The following CCT4 variants were observed in gnomAD, a reference collection of about 807,000 sequenced individuals.
The protein encoded by CCT4 is chaperonin containing TCP1 subunit 4, also known as T-complex protein 1 subunit delta.
A neutral mutation model predicts 62.5 loss-of-function variants in CCT4; 17 were observed. The observed-to-expected ratio is 0.27, with a 90% CI of 0.19 to 0.41. The LOEUF (loss-of-function observed/expected upper bound fraction) is 0.41, where lower values mean the gene tolerates loss of function less well. CCT4 is among the 10% of genes least tolerant of loss of function. The probability of loss-of-function intolerance (pLI) is 1.00; values close to 1 mark genes in which losing one functional copy is unlikely to be tolerated. For missense variants in CCT4, 592 were observed against 659.2 expected (o/e 0.90, Z 1.12); for synonymous variants, 250 against 229.9 (o/e 1.09, Z -0.79).
rs76589361 is a variant in CCT4 at position 61,879,021 on chromosome 2, G to T, written c.380-10C>A. On this transcript the variant is annotated splice_polypyrimidine_tract_variant and intron_variant, in intron 4 of 13. Transcript: ENST00000394440. ...ATGGTTGGATGAATCCCTGTAATTT[G>T]TGAAAGTCTAGTTATTTAATTGTAA... 2.4e-5 allele frequency: 38 copies of T among 1,582,636 alleles called. No individual in the cohort carries two copies. The highest frequency in any genetic ancestry group is 3.2e-5 in the Non-Finnish European group (37 of 1,166,436).
chr2:61,871,993 T>G, intron 12 of CCT4, 89 bp downstream of exon 12: 2 of 876,994 alleles, frequency 2.3e-6, no homozygotes, highest in Non-Finnish European at 3.5e-6. Flanking sequence ...ATGCTTTTCA[T>G]TACAGAGCTT....
At chr2:61,869,173 C>G (rs1445574551) in intron 13 of CCT4, among the ~76,000 whole-genome samples, 1 of 116,558 alleles carries the variant, frequency 8.6e-6, no homozygotes, top group Admixed American at 8.5e-5. Flanking sequence ...AAAGTAAAAA[C>G]TTTTAAAAAA....
At position 61,877,447 on chromosome 2, in the gene CCT4, G is replaced by T. The variant is rs753677378; in HGVS notation, c.590C>A (p.Pro197Gln). 1.2e-6 allele frequency: 2 copies of T among 1,611,014 alleles called. No homozygotes were observed. Among genetic ancestry groups the T allele is most frequent in the South Asian group, 2.2e-5 (2 of 90,848 alleles). ...AAGATCTACACTGGTGGCTGTGGCT[G>T]GGTCAATCACTTTCATCACTGCATT... ...SVNAVMKVIDPATATSVDLRD... is the reference protein window; with the variant it reads ...SVNAVMKVIDQATATSVDLRD... The change falls in exon 6 of 14, where the codon CCA (proline) becomes CAA (glutamine). Residue 197 changes from proline to glutamine, a missense_variant. Around this residue, in one of 3 missense-constraint regions of CCT4, gnomAD observed 522 missense variants for 571.2 expected, o/e 0.91. Transcript: ENST00000394440.
chr2:61,879,723 T>C (rs1669073405), intron 4 of CCT4, among the ~76,000 whole-genome samples: 2 of 151,874 alleles, frequency 1.3e-5, no homozygotes, highest in Non-Finnish European at 2.9e-5. Context: ...AGTCCAAGAT[T>C]AGTAATATTT....
chr2:61,888,550 G>A lies in CCT4; in HGVS notation c.-43C>T, dbSNP rs761086432. The A allele has an allele frequency of 1.9e-6, 3 of 1,594,228 alleles. No homozygotes were observed. The highest frequency in any genetic ancestry group is 1.1e-5 in the South Asian group (1 of 89,946). On this transcript the variant is annotated 5_prime_UTR_variant, in exon 1 of 14. Coordinates refer to ENST00000394440, the MANE Select transcript of CCT4 (RefSeq NM_006430.4). Reference sequence around the variant, plus strand: ...CTGGGTTGGCTCGGGAAGGACGGATGGACCCGGATTCTGGCCGGCCGCAGT... The same window carrying A: ...CTGGGTTGGCTCGGGAAGGACGGATAGACCCGGATTCTGGCCGGCCGCAGT...
chr2:61,880,879 T>A (rs78454153), intron 3 of CCT4, among the ~76,000 whole-genome samples: 26,047 of 151,968 alleles, frequency 0.17, 2,666 homozygotes, highest in Middle Eastern at 0.29. Context: ...CTACTTTTTT[T>A]AAAAAGTCTT....
chr2:61,878,076 T>C (rs1278301672), intron 5 of CCT4, among the ~76,000 whole-genome samples: 2 of 152,222 alleles, frequency 1.3e-5, no homozygotes, highest in Admixed American at 6.5e-5. Context: ...TGCCTAGTGC[T>C]TGTAACCATT....
intron 3 of CCT4, among the ~76,000 whole-genome samples, chr2:61,881,210 CTTTCTTATT>C (rs1669103529): frequency 7.9e-6 from 1 of 126,736 alleles, no homozygotes; most frequent in African/African-American, 3.0e-5. Flanking sequence ...TTTAGCAATG[CTTTCTTATT>C]TTATGTTCCA....
intron 8 of CCT4, among the ~76,000 whole-genome samples, chr2:61,875,603 TA>T (rs1317305150): frequency 2.8e-5 from 4 of 142,378 alleles, no homozygotes; most frequent in Non-Finnish European, 6.2e-5. Flanking sequence ...AAAAAAAAAT[TA>T]AAAAAAATTG....
At chr2:61,884,344 C>T (rs1340270148) in intron 2 of CCT4, among the ~76,000 whole-genome samples, 1 of 152,106 alleles carries the variant, frequency 6.6e-6, no homozygotes, top group East Asian at 1.9e-4. Context: ...CGCTCCATTG[C>T]CCAGGCTGGA....
At position 61,868,713 on chromosome 2, in the gene CCT4, A is replaced by T; in HGVS notation, c.1606-7T>A. The T allele has an allele frequency of 1.3e-6, 2 of 1,583,976 alleles. No homozygotes were observed. The highest frequency in any genetic ancestry group is 1.7e-6 in the Non-Finnish European group (2 of 1,152,824). On this transcript the variant is annotated splice_polypyrimidine_tract_variant and splice_region_variant and intron_variant, in intron 13 of 13. Transcript: ENST00000394440. The stretch of plus-strand genomic sequence containing the variant: ...CAGATTATCGAGTGTTTACCTGATA[A>T]GAGAAAAACTTAGATTTCAAAACCT...
intron 4 of CCT4, 41 bp downstream of exon 4, chr2:61,880,245 T>A: frequency 8.9e-7 from 1 of 1,123,970 alleles, no homozygotes; most frequent in South Asian, 1.5e-5. Flanking sequence ...GTTTGTTTTT[T>A]AAACTTTTCT....
chr2:61,880,181 C>A, intron 4 of CCT4, 105 bp downstream of exon 4: 1 of 523,260 alleles, frequency 1.9e-6, no homozygotes, highest in Non-Finnish European at 3.4e-6. Flanking sequence ...ATTAGTTATT[C>A]CAAATTAAAT....
intron 12 of CCT4, among the ~76,000 whole-genome samples, chr2:61,870,609 C>T (rs1040476940): frequency 6.6e-6 from 1 of 152,110 alleles, no homozygotes; most frequent in Non-Finnish European, 1.5e-5. Flanking sequence ...TGTTCATGTC[C>T]TTAGCCTCTT....
intron 8 of CCT4, among the ~76,000 whole-genome samples, chr2:61,875,058 C>A (rs374109143): frequency 4.0e-5 from 6 of 150,630 alleles, no homozygotes; most frequent in Non-Finnish European, 5.9e-5. Flanking sequence ...AGGAGACTTG[C>A]GTGAACCCAG....
chr2:61,888,411 T>C lies in CCT4; in HGVS notation c.97A>G (p.Ile33Val). The C allele has an allele frequency of 1.2e-6, 2 of 1,613,086 alleles. No individual in the cohort carries two copies. Among genetic ancestry groups the C allele is most frequent in the Admixed American group, 1.7e-5 (1 of 59,934 alleles). Reference protein sequence around the residue: ...AYQDRDKPAQIRFSNISAAKA... With the variant: ...AYQDRDKPAQVRFSNISAAKA... ...GCGGCGGAAATGTTGCTGAAGCGGA[T>C]CTGGGCTGGCTTGTCGCGGTCCTGA... Residue 33 changes from isoleucine (I) to valine (V), a missense_variant, in exon 1 of 14, where the codon ATC becomes GTC. By Grantham distance (29) the Ile-to-Val change is conservative. This residue lies in a region of CCT4 where 67 missense variants were observed against 71.1 expected (regional missense o/e 0.94). Coordinates refer to ENST00000394440, the MANE Select transcript of CCT4 (RefSeq NM_006430.4).
At chr2:61,872,045 T>G (rs1558503556) in intron 12 of CCT4, 37 bp downstream of exon 12, 2 of 1,375,996 alleles carry the variant, frequency 1.5e-6, no homozygotes, top group Non-Finnish European at 2.0e-6. Flanking sequence ...TATTTTAAAT[T>G]AATCAATATT....
At chr2:61,871,132 A>C (rs1014531624) in intron 12 of CCT4, among the ~76,000 whole-genome samples, 7 of 151,516 alleles carry the variant, frequency 4.6e-5, no homozygotes, top group Admixed American at 2.0e-4. Flanking sequence ...CCCCAGTTCA[A>C]GCGATTCTCC....
In CCT4 at chr2:61,882,823, T is replaced by C. The variant is rs541266739; in HGVS notation, c.270+636A>G. On this transcript the variant is annotated intron_variant, in intron 3 of 13. Coordinates refer to ENST00000394440, the MANE Select transcript of CCT4 (RefSeq NM_006430.4). ...ACTGTGCCCAGCTTTTTTTTTTTTTTCTGGGGTTTCACTCTGTCACTCAGA... is the reference window on the plus strand; with the variant it reads ...ACTGTGCCCAGCTTTTTTTTTTTTTCCTGGGGTTTCACTCTGTCACTCAGA... Among the ~76,000 whole-genome samples, 183 of 146,664 alleles carry C rather than the reference T, an allele frequency of 1.2e-3. 1 individual carries two copies. The highest frequency in any genetic ancestry group is 4.3e-3 in the African/African-American group (170 of 39,414).
Sources: gnomAD v4.1 joint callset for allele counts (sites outside exome capture counted in the v4.1 genomes callset) on GRCh38, gnomAD v4.1.1 for gene constraint, gnomAD v4.1.1 regional missense constraint, MANE v1.5 for transcripts, NCBI Gene and HGNC (gene_info 2026-07-23, HGNC 2026-07-21) for gene names.